OTOR: variants seen among roughly 807,000 people sequenced by gnomAD.
The protein encoded by OTOR is fibrocyte-derived protein.
Under a neutral mutation model 15.9 loss-of-function variants are expected in OTOR, and 20 were observed. That is an observed-to-expected ratio of 1.26 (90% confidence interval 0.89 to 1.83). OTOR has a LOEUF of 1.83. OTOR is among the 40% of genes most tolerant of loss of function. OTOR has a pLI of 0.00. For missense variants in OTOR, 184 were observed against 159.0 expected, an observed-to-expected ratio of 1.16 and a Z score of -0.85; for synonymous variants, 53 against 54.2, an observed-to-expected ratio of 0.98 and a Z score of 0.09.
chr20:16,750,264 AT>A (rs1164129729), intron 3 of OTOR, among the ~76,000 whole-genome samples: 3 of 151,848 alleles, frequency 2.0e-5, no homozygotes, highest in Non-Finnish European at 1.5e-5. Flanking sequence ...TTTTTTCTAT[AT>A]TTTTTCAGCT....
chr20:16,748,831 C>A, intron 1 of OTOR, 36 bp from the exon 2 acceptor site: 1 of 1,507,774 alleles, frequency 6.6e-7, no homozygotes, highest in Non-Finnish European at 8.9e-7. Flanking sequence ...AATTCAGGAG[C>A]CTAAAATGTA....
In OTOR at chr20:16,749,939, G is replaced by T. The variant is rs763353980; in HGVS notation, c.292G>T (p.Gly98Cys). The T allele has an allele frequency of 1.9e-6, 3 of 1,613,784 alleles. No homozygotes were observed. The East Asian group carries it at 6.7e-5, about 36-fold the overall frequency. ...GDGQDEMGVVGYFPRNLVKEQ... is the reference protein window; with the variant it reads ...GDGQDEMGVVCYFPRNLVKEQ... Reference sequence around the variant, plus strand: ...TGGCCAGGACGAGATGGGAGTCGTGGGTTATTTCCCCAGGAACTTGGTCAA... The same window carrying T: ...TGGCCAGGACGAGATGGGAGTCGTGTGTTATTTCCCCAGGAACTTGGTCAA... Residue 98 changes from glycine to cysteine, a missense_variant, in exon 3 of 4, where the codon GGT (glycine) becomes TGT (cysteine). Transcript: ENST00000246081.
chr20:16,750,002 C>A lies in OTOR; in HGVS notation c.355C>A (p.Pro119Thr). Residue 119 changes from proline (P) to threonine (T), a missense_variant, in exon 3 of 4, where the codon CCC becomes ACC. Physicochemically the swap from Pro to Thr is conservative, Grantham distance 38. Transcript: ENST00000246081. ...RVYQEATKEV[P>T]TTDIDFFCE ...GTACCAGGAAGCTACCAAGGAAGTT[C>A]CCACCACGGTAAGCATCTCAAAAGT... is the stretch of plus-strand genomic sequence containing the variant. 1.2e-6 allele frequency: 2 copies of A among 1,606,166 alleles called. No individual in the cohort carries two copies. The highest frequency in any genetic ancestry group is 1.7e-6 in the Non-Finnish European group (2 of 1,173,194).
chr20:16,748,959 T>G lies in OTOR; in HGVS notation c.208T>G (p.Ser70Ala), dbSNP rs2072510800. The G allele has an allele frequency of 6.2e-7, 1 of 1,611,880 alleles. No individual in the cohort carries two copies. ...VKKGQQIYVYSKLVKENGAGE... is the reference protein window; with the variant it reads ...VKKGQQIYVYAKLVKENGAGE... The stretch of plus-strand genomic sequence containing the variant: ...AAAAGGGCAGCAGATCTATGTGTAC[T>G]CAAAGCTGGTAAAAGAAAATGGAGC... Residue 70 changes from serine to alanine, a missense_variant, in exon 2 of 4, where the codon TCA becomes GCA. Coordinates refer to ENST00000246081, the MANE Select transcript of OTOR (RefSeq NM_020157.4).
intron 2 of OTOR, chr20:16,749,273 C>G: frequency 3.6e-6 from 1 of 277,382 alleles, no homozygotes; most frequent in East Asian, 6.8e-5. Context: ...GAATTTGAAT[C>G]TTATCCGAAA....
At chr20:16,748,830 G>T (rs1600230290) in intron 1 of OTOR, 37 bp from the exon 2 acceptor site, 1 of 1,505,612 alleles carries the variant, frequency 6.6e-7, no homozygotes, top group Non-Finnish European at 8.9e-7. Context: ...AAATTCAGGA[G>T]CCTAAAATGT....
Position 16,748,372 on chromosome 20 carries a change from A to G in OTOR, c.-30A>G, listed in dbSNP as rs777879070. 6.9e-7 allele frequency: 1 copy of G among 1,443,774 alleles called. No homozygotes were observed. Among genetic ancestry groups the G allele is most frequent in the Non-Finnish European group, 9.8e-7 (1 of 1,024,926 alleles). The allele number at this position is 1,443,774 out of a possible 1,614,324, so 89.4% of individuals were successfully genotyped here. On this transcript the variant is annotated 5_prime_UTR_variant, in exon 1 of 4. Transcript: ENST00000246081. ...CTGAAGTCAGTCCCCGCTTCCAGTC[A>G]GAGTTCAAGTTAAAACAGAAAAAAG...
intron 1 of OTOR, 92 bp downstream of exon 1, chr20:16,748,608 G>A: frequency 1.2e-6 from 1 of 832,016 alleles, no homozygotes; most frequent in South Asian, 1.6e-5. Flanking sequence ...ACTTTGAAGT[G>A]AATCTTCTCC....
Position 16,751,180 on chromosome 20 carries a change from G to C in OTOR, c.*62G>C. 8.7e-7 allele frequency: 1 copy of C among 1,143,886 alleles called. No individual in the cohort carries two copies. The highest frequency in any genetic ancestry group is 1.2e-6 in the Non-Finnish European group (1 of 801,190). 70.9% of individuals were successfully genotyped at this position (1,143,886 alleles called of 1,614,324 possible). A position where few individuals can be genotyped will look rare whatever the true frequency, so the allele number is the denominator to read the frequency against. ...AAAAATAAAGAAAAGAGCAAAAGTG[G>C]CCAAAAAATGCATGTCTGTAATTTT... On this transcript the variant is annotated 3_prime_UTR_variant, in exon 4 of 4. Coordinates refer to ENST00000246081, the MANE Select transcript of OTOR (RefSeq NM_020157.4).
At chr20:16,751,054 G>T (rs1162586679) in intron 3 of OTOR, 41 bp from the exon 4 acceptor site, 17 of 1,464,306 alleles carry the variant, frequency 1.2e-5, no homozygotes. Flanking sequence ...TTTAGCCTAG[G>T]CTATTTCGTT....
At chr20:16,749,785 G>A (rs2072516249) in intron 2 of OTOR, 118 bp from the exon 3 acceptor site, 2 of 689,594 alleles carry the variant, frequency 2.9e-6, no homozygotes, top group Non-Finnish European at 5.1e-6. Flanking sequence ...GGACCCCGGA[G>A]TGAAAGGGAG....
At chr20:16,748,739 T>C in intron 1 of OTOR, 128 bp from the exon 2 acceptor site, 1 of 780,920 alleles carries the variant, frequency 1.3e-6, no homozygotes, top group Non-Finnish European at 2.0e-6. Flanking sequence ...TTCTCTTGGA[T>C]AGACACCAGC....
intron 2 of OTOR, 116 bp from the exon 3 acceptor site, chr20:16,749,787 G>C: frequency 1.4e-6 from 1 of 701,136 alleles, no homozygotes; most frequent in South Asian, 1.8e-5. Flanking sequence ...ACCCCGGAGT[G>C]AAAGGGAGGT....
Position 16,748,512 on chromosome 20 carries a change from T to A in OTOR, c.111T>A (p.Cys37Ter), listed in dbSNP as rs1568758599. 6.3e-7 allele frequency: 1 copy of A among 1,577,900 alleles called. No individual in the cohort carries two copies. Among genetic ancestry groups the A allele is most frequent in the Middle Eastern group, 1.7e-4 (1 of 6,008 alleles). ...ASKKLCADDECVYTISLASAQ... is the reference protein window; with the variant it reads ...ASKKLCADDE ...AGAAGCTCTGTGCAGATGATGAGTG[T>A]GTCTGTAAGGACTTTTTTATGCTTT... Residue 37 changes from cysteine to a stop codon, truncating the protein, a stop_gained, in exon 1 of 4, where the codon TGT (cysteine) becomes TGA (stop). Coordinates refer to ENST00000246081, the MANE Select transcript of OTOR (RefSeq NM_020157.4). LOFTEE classifies it high-confidence loss of function.
chr20:16,748,878 C>T lies in OTOR; in HGVS notation c.127C>T (p.Leu43=). 6.3e-7 allele frequency: 1 copy of T among 1,578,010 alleles called. No homozygotes were observed. Among genetic ancestry groups the T allele is most frequent in the Non-Finnish European group, 8.6e-7 (1 of 1,169,126 alleles). Residue 43 remains leucine, a synonymous_variant, in exon 2 of 4, where the codon CTG becomes TTG. Coordinates refer to ENST00000246081, the MANE Select transcript of OTOR (RefSeq NM_020157.4). ...TTTTTTTCTTCCAGATACTATTTCT[C>T]TGGCTAGTGCTCAAGAAGATTATAA... ...ADDECVYTIS[L]ASAQEDYNAP...
Position 16,750,026 on chromosome 20 carries a change from G to A in OTOR, c.363+16G>A, listed in dbSNP as rs374444674. 6.5e-7 allele frequency: 1 copy of A among 1,527,618 alleles called. No homozygotes were observed. The highest frequency in any genetic ancestry group is 9.1e-7 in the Non-Finnish European group (1 of 1,102,358). 94.6% of individuals were successfully genotyped at this position (1,527,618 alleles called of 1,614,324 possible). On this transcript the variant is annotated intron_variant, in intron 3 of 3. Coordinates refer to ENST00000246081, the MANE Select transcript of OTOR (RefSeq NM_020157.4). ...TCCCACCACGGTAAGCATCTCAAAA[G>A]TGACTAGACAAGGACTCAGATCTTG...
rs1449639006 is a variant in OTOR at position 16,751,127 on chromosome 20, T to C, written c.*9T>C. ...ACTTCTTCTGCGAGTAATAAATTAG[T>C]TAAAACTGCAAATAGAAAGAAAACA... On this transcript the variant is annotated 3_prime_UTR_variant, in exon 4 of 4. Transcript: ENST00000246081. The C allele has an allele frequency of 2.0e-6, 3 of 1,522,614 alleles. No homozygotes were observed. In the African/African-American group the frequency reaches 4.2e-5, roughly 21 times the overall value. The allele number at this position is 1,522,614 out of a possible 1,614,324, so 94.3% of individuals were successfully genotyped here.
At chr20:16,749,708 A>C (rs1033633752) in intron 2 of OTOR, 195 bp from the exon 3 acceptor site, 1 of 572,824 alleles carries the variant, frequency 1.7e-6, no homozygotes, top group Admixed American at 3.1e-5. Context: ...ACTAAACAGT[A>C]GATGCACAAT....
chr20:16,748,367 CA>C lies in OTOR; in HGVS notation c.-34del. Reference sequence around the variant, plus strand: ...AACCACTGAAGTCAGTCCCCGCTTCCAGTCAGAGTTCAAGTTAAAACAGAAA... The same window carrying C: ...AACCACTGAAGTCAGTCCCCGCTTCCGTCAGAGTTCAAGTTAAAACAGAAA... On this transcript the variant is annotated 5_prime_UTR_variant, in exon 1 of 4. Coordinates refer to ENST00000246081, the MANE Select transcript of OTOR (RefSeq NM_020157.4). The C allele has an allele frequency of 2.9e-6, 4 of 1,403,244 alleles. No homozygotes were observed. The highest frequency in any genetic ancestry group is 4.0e-6 in the Non-Finnish European group (4 of 988,196). 86.9% of individuals were successfully genotyped at this position (1,403,244 alleles called of 1,614,324 possible).
Sources: allele counts gnomAD v4.1 joint callset (sites outside exome capture counted in the v4.1 genomes callset), GRCh38; gene constraint gnomAD v4.1.1; transcripts MANE v1.5; gene names NCBI Gene and HGNC (gene_info 2026-07-23, HGNC 2026-07-21).